Variants in DNAJC7 observed in about 807,000 individuals in gnomAD.
DNAJC7 encodes dnaJ homolog subfamily C member 7.
In DNAJC7, 18 loss-of-function variants were observed where a neutral mutation model predicts 67.4. That is an observed-to-expected ratio of 0.27 (90% CI 0.18 to 0.40). DNAJC7 has a LOEUF of 0.40. Among genes scored for constraint, DNAJC7 ranks in the 10% least tolerant of loss-of-function variants. The pLI, the probability that DNAJC7 is intolerant of heterozygous loss-of-function variation, is 1.00. For missense variants in DNAJC7, 419 were observed against 613.8 expected, an observed-to-expected ratio of 0.68 and a Z score of 3.35; for synonymous variants, 220 against 207.8, an observed-to-expected ratio of 1.06 and a Z score of -0.50.
chr17:41,988,913 G>A lies in DNAJC7; in HGVS notation c.754-17C>T. The A allele has an allele frequency of 6.2e-7, 1 of 1,612,252 alleles. No individual in the cohort carries two copies. The highest frequency in any genetic ancestry group is 8.5e-7 in the Non-Finnish European group (1 of 1,179,504). On this transcript the variant is annotated splice_polypyrimidine_tract_variant and intron_variant, in intron 7 of 13. Coordinates refer to ENST00000457167, the MANE Select transcript of DNAJC7 (RefSeq NM_003315.4). ...TTTGGCATTCTACAGAAAAAAGCAA[G>A]GGGAGGATCGGTTCATATCCACAAA...
Position 42,006,796 on chromosome 17 carries a change from CAAAA to C in DNAJC7, c.78-6230_78-6227del, listed in dbSNP as rs57155070. ...TGGGCAACAGAGCAAGACTCCGTCT[CAAAA>C]AAAAAAAAAAAAAAAAAAGTCCAGG... On this transcript the variant is annotated intron_variant, in intron 1 of 13. Coordinates refer to ENST00000457167, the MANE Select transcript of DNAJC7 (RefSeq NM_003315.4). 6.9e-4 allele frequency among the ~76,000 whole-genome samples: 16 copies of C among 23,324 alleles called. 2 individuals carry two copies. Among genetic ancestry groups the C allele is most frequent in the African/African-American group, 2.9e-3 (14 of 4,784 alleles). The allele number at this position is 23,324 out of a possible 152,430, so 15.3% of individuals were successfully genotyped here. A position where few individuals can be genotyped will look rare whatever the true frequency, so the allele number is the denominator to read the frequency against.
chr17:42,002,739 GCTAA>G (rs1310935736), intron 1 of DNAJC7, among the ~76,000 whole-genome samples: 1 of 152,112 alleles, frequency 6.6e-6, no homozygotes, highest in Non-Finnish European at 1.5e-5. Flanking sequence ...TCCGCTTACT[GCTAA>G]CTATTTTGAA....
chr17:41,990,546 C>T (rs1241275700), intron 5 of DNAJC7, among the ~76,000 whole-genome samples, 164 bp from the exon 6 acceptor site: 1 of 152,092 alleles, frequency 6.6e-6, no homozygotes, highest in Non-Finnish European at 1.5e-5. Context: ...TAAATAAAAG[C>T]ACTGAAATGA....
intron 1 of DNAJC7, chr17:42,011,657 G>C (rs1265202389): frequency 6.6e-6 from 1 of 152,292 alleles, no homozygotes; most frequent in South Asian, 2.1e-4. Context: ...GGAAAATAGT[G>C]TTTCTCACTG....
intron 1 of DNAJC7, chr17:42,016,149 C>G (rs1156654407): frequency 6.6e-6 from 1 of 152,164 alleles, no homozygotes; most frequent in Non-Finnish European, 1.5e-5. Context: ...TTTGTCAGGC[C>G]CCTCAGCTCC....
chr17:41,997,322 C>A, intron 2 of DNAJC7, 83 bp from the exon 3 acceptor site: 2 of 1,510,560 alleles, frequency 1.3e-6, no homozygotes, highest in South Asian at 1.2e-5. Flanking sequence ...GGCGCAGTGG[C>A]TCATGCCCAT....
At chr17:41,997,059 G>C in intron 3 of DNAJC7, 56 bp downstream of exon 3, 1 of 1,610,756 alleles carries the variant, frequency 6.2e-7, no homozygotes, top group Admixed American at 1.7e-5. Context: ...TACGGGGCTA[G>C]AGAAACTCAA....
chr17:41,998,235 C>T (rs1222916012), intron 2 of DNAJC7, among the ~76,000 whole-genome samples: 1 of 151,834 alleles, frequency 6.6e-6, no homozygotes, highest in African/African-American at 2.4e-5. Flanking sequence ...TTTGGGAGGC[C>T]GAGGTGGGCA....
At chr17:41,976,998 T>C in intron 13 of DNAJC7, 1 of 644,492 alleles carries the variant, frequency 1.6e-6, no homozygotes, top group East Asian at 2.7e-5. Flanking sequence ...CCTTTGCTCT[T>C]GCAGAGAAGC....
At chr17:41,980,841 A>G (rs1038224703) in intron 12 of DNAJC7, among the ~76,000 whole-genome samples, 11 of 152,254 alleles carry the variant, frequency 7.2e-5, no homozygotes, top group African/African-American at 2.7e-4. Flanking sequence ...AAATGTCAGC[A>G]TACACTTTGC....
intron 9 of DNAJC7, 131 bp from the exon 10 acceptor site, chr17:41,983,767 C>G: frequency 1.5e-6 from 1 of 679,752 alleles, no homozygotes; most frequent in South Asian, 2.9e-5. Context: ...GAAACAGGAG[C>G]CCTTAATCTA....
intron 5 of DNAJC7, among the ~76,000 whole-genome samples, chr17:41,993,874 TAA>T (rs371324143): frequency 7.2e-6 from 1 of 139,036 alleles, no homozygotes; most frequent in African/African-American, 2.7e-5. Context: ...CCGTCTCTAC[TAA>T]AAAAAAAAAA....
At chr17:42,013,955 G>A (rs1184816194) in intron 1 of DNAJC7, 1 of 151,878 alleles carries the variant, frequency 6.6e-6, no homozygotes, top group African/African-American at 2.4e-5. Flanking sequence ...CGCCATGCCT[G>A]GCTAATTTTT....
intron 9 of DNAJC7, among the ~76,000 whole-genome samples, chr17:41,984,141 A>G (rs561500530): frequency 6.6e-6 from 1 of 152,282 alleles, no homozygotes; most frequent in African/African-American, 2.4e-5. Flanking sequence ...GCTGCTGGCA[A>G]ATCCCTCCAC....
intron 12 of DNAJC7, among the ~76,000 whole-genome samples, chr17:41,980,092 C>T (rs1266298192): frequency 6.7e-6 from 1 of 149,208 alleles, no homozygotes. Context: ...GCTCTGTCGC[C>T]AGGCTGGAGT....
At chr17:41,990,407 A>T in intron 5 of DNAJC7, 25 bp from the exon 6 acceptor site, 1 of 1,567,190 alleles carries the variant, frequency 6.4e-7, no homozygotes. Flanking sequence ...AAAACAAATA[A>T]GGCTCTTCAT....
chr17:41,989,725 A>C (rs184290835), intron 6 of DNAJC7, among the ~76,000 whole-genome samples, 168 bp from the exon 7 acceptor site: 1 of 152,374 alleles, frequency 6.6e-6, no homozygotes, highest in Non-Finnish European at 1.5e-5. Flanking sequence ...TAAACCACCT[A>C]TAATTATCTT....
chr17:41,982,221 T>C, intron 11 of DNAJC7, 34 bp downstream of exon 11: 1 of 1,613,014 alleles, frequency 6.2e-7, no homozygotes, highest in Middle Eastern at 1.7e-4. Context: ...CTGCGGGTTC[T>C]TCCCACTGAG....
At chr17:42,005,314 C>T (rs2051918563) in intron 1 of DNAJC7, among the ~76,000 whole-genome samples, 3 of 152,174 alleles carry the variant, frequency 2.0e-5, no homozygotes, top group African/African-American at 7.2e-5. Context: ...ATTAAAAACA[C>T]ATTAAAACAT....
Sources: gnomAD v4.1 joint callset for allele counts (sites outside exome capture counted in the v4.1 genomes callset) on GRCh38, gnomAD v4.1.1 for gene constraint, MANE v1.5 for transcripts, NCBI Gene and HGNC (gene_info 2026-07-23, HGNC 2026-07-21) for gene names.